The following RASA2 variants were observed in gnomAD, a reference collection of about 807,000 sequenced individuals.
The protein encoded by RASA2 is ras GTPase-activating protein 2.
RASA2 carries 155 observed loss-of-function variants against 118.2 expected under a neutral mutation model. That is an observed-to-expected ratio of 1.31 (90% CI 1.15 to 1.50). The LOEUF (loss-of-function observed/expected upper bound fraction) is 1.50, where lower values mean the gene tolerates loss of function less well. RASA2 is among the 40% of genes most tolerant of loss of function. The pLI is 0.00. For synonymous variants in RASA2, 353 were observed against 349.1 expected (o/e 1.01, Z -0.12); for missense variants, 1,016 against 1,009.6 (o/e 1.01, Z -0.09).
rs2151131530 is a variant in RASA2, at chr3:141,573,209, A to G, written c.1347A>G (p.Val449=). 1.3e-6 allele frequency: 2 copies of G among 1,543,332 alleles called. No homozygotes were observed. Among genetic ancestry groups the G allele is most frequent in the South Asian group, 2.5e-5 (2 of 80,352 alleles). Residue 449 remains valine, a synonymous_variant, in exon 13 of 24, where the codon GTA becomes GTG. Transcript: ENST00000286364. ...DPIKLKEGDN[V]ENNKENLRYY... is the part of the protein sequence containing the mutation. ...TTAAATTGAAAGAGGGAGATAATGTAGAAAATAATAAGGTAAGTCCTTGTT... is the reference window on the plus strand; with the variant it reads ...TTAAATTGAAAGAGGGAGATAATGTGGAAAATAATAAGGTAAGTCCTTGTT...
intron 1 of RASA2, among the ~76,000 whole-genome samples, chr3:141,491,510 C>T (rs1302540129): frequency 6.6e-6 from 1 of 152,148 alleles, no homozygotes; most frequent in Middle Eastern, 3.2e-3. Context: ...ATGCCTAGAA[C>T]AGAATAGGCC....
intron 4 of RASA2, among the ~76,000 whole-genome samples, chr3:141,538,569 A>G (rs1393276744): frequency 3.9e-5 from 6 of 152,106 alleles, no homozygotes; most frequent in African/African-American, 1.4e-4. Context: ...GATAGTATGT[A>G]TTTCCTTGTT....
intron 1 of RASA2, among the ~76,000 whole-genome samples, chr3:141,504,741 A>G (rs887041177): frequency 2.0e-5 from 3 of 152,150 alleles, no homozygotes; most frequent in East Asian, 3.9e-4. Context: ...ACCATCTGAC[A>G]CACAAAAAAA....
intron 3 of RASA2, among the ~76,000 whole-genome samples, chr3:141,522,821 A>G (rs2082131001): frequency 6.6e-6 from 1 of 152,086 alleles, no homozygotes; most frequent in Non-Finnish European, 1.5e-5. Context: ...GGTTTAATTA[A>G]CTGGACTGAG....
intron 9 of RASA2, among the ~76,000 whole-genome samples, chr3:141,563,403 A>C (rs1003044319): frequency 4.6e-5 from 7 of 152,174 alleles, no homozygotes; most frequent in Non-Finnish European, 5.9e-5. Flanking sequence ...TATTTAATTC[A>C]CAAGGATCCT....
intron 1 of RASA2, among the ~76,000 whole-genome samples, chr3:141,488,177 C>A (rs1329975386): frequency 6.6e-6 from 1 of 150,920 alleles, no homozygotes; most frequent in East Asian, 1.9e-4. Context: ...TTTTTTTTTT[C>A]ACAGTGGTTT....
At position 141,512,179 on chromosome 3, in the gene RASA2, A is replaced by G. The variant is rs757282345; in HGVS notation, c.150A>G (p.Leu50=). Residue 50 remains leucine, a synonymous_variant, in exon 2 of 24, where the codon TTA becomes TTG. Coordinates refer to ENST00000286364, the MANE Select transcript of RASA2 (RefSeq NM_006506.5). Reference sequence around the variant, plus strand: ...TGCCAACAGGTGAAGCAAAAAATTTATTGCCATATCTTGGACCCCACAAAA... The same window carrying G: ...TGCCAACAGGTGAAGCAAAAAATTTGTTGCCATATCTTGGACCCCACAAAA... ...LRGKICEAKN[L]LPYLGPHKMR... 3 of 1,607,830 alleles carry G rather than the reference A, an allele frequency of 1.9e-6. No homozygotes were observed. Among genetic ancestry groups the G allele is most frequent in the Non-Finnish European group, 2.5e-6 (3 of 1,177,968 alleles).
At chr3:141,490,335 CAAAAAA>C (rs3075070) in intron 1 of RASA2, among the ~76,000 whole-genome samples, 1,815 of 93,710 alleles carry the variant, frequency 0.019, 52 homozygotes, top group African/African-American at 0.061. Flanking sequence ...CTCCTCCCCT[CAAAAAA>C]AAAAAAAAAA....
intron 17 of RASA2, 40 bp downstream of exon 17, chr3:141,581,217 A>G: frequency 1.5e-6 from 2 of 1,290,366 alleles, no homozygotes; most frequent in Non-Finnish European, 2.0e-6. Context: ...TATTTATTTC[A>G]TATAACATGG....
At chr3:141,546,115 C>T (rs2082481722) in intron 5 of RASA2, among the ~76,000 whole-genome samples, 1 of 152,184 alleles carries the variant, frequency 6.6e-6, no homozygotes, top group Admixed American at 6.5e-5. Flanking sequence ...TTGATGGACA[C>T]TTAGATTGCT....
intron 19 of RASA2, among the ~76,000 whole-genome samples, chr3:141,590,404 C>T (rs147485430): frequency 7.6e-4 from 116 of 152,308 alleles, no homozygotes; most frequent in African/African-American, 2.6e-3. Flanking sequence ...CATAATATAA[C>T]ACCTTATTCC....
chr3:141,549,233 C>T (rs1479415801), intron 5 of RASA2, among the ~76,000 whole-genome samples: 1 of 152,160 alleles, frequency 6.6e-6, no homozygotes, highest in African/African-American at 2.4e-5. Flanking sequence ...ATTTCCTCTA[C>T]TTAATGAGTT....
At chr3:141,543,290 A>G (rs1452689300) in intron 5 of RASA2, among the ~76,000 whole-genome samples, 2 of 152,160 alleles carry the variant, frequency 1.3e-5, no homozygotes, top group South Asian at 4.1e-4. Context: ...TTTACCAATT[A>G]GAATAAAATG....
chr3:141,516,834 T>TG (rs1053890622), intron 3 of RASA2, among the ~76,000 whole-genome samples: 8 of 151,802 alleles, frequency 5.3e-5, no homozygotes, highest in African/African-American at 1.9e-4. Flanking sequence ...ACTGCAGTGG[T>TG]GCGATCTTGG....
intron 1 of RASA2, among the ~76,000 whole-genome samples, chr3:141,490,651 T>A (rs1169630472): frequency 6.6e-6 from 1 of 152,176 alleles, no homozygotes; most frequent in Non-Finnish European, 1.5e-5. Flanking sequence ...CTCACTTAGT[T>A]TCTCTGGTGT....
chr3:141,564,945 A>C (rs2082794442), intron 9 of RASA2, among the ~76,000 whole-genome samples: 1 of 152,114 alleles, frequency 6.6e-6, no homozygotes, highest in South Asian at 2.1e-4. Context: ...TAAGTATATC[A>C]GGCTCTGCAC....
chr3:141,556,506 G>C (rs1035633805), intron 7 of RASA2, among the ~76,000 whole-genome samples: 2 of 151,872 alleles, frequency 1.3e-5, no homozygotes, highest in Non-Finnish European at 2.9e-5. Flanking sequence ...TTCTGTGGAC[G>C]CCTGCTTATC....
intron 5 of RASA2, among the ~76,000 whole-genome samples, chr3:141,544,898 C>G (rs940578448): frequency 3.3e-5 from 5 of 152,118 alleles, no homozygotes; most frequent in Admixed American, 3.3e-4. Context: ...GAAAATGAAA[C>G]CAAATACTGC....
intron 15 of RASA2, among the ~76,000 whole-genome samples, chr3:141,577,805 A>G (rs1370068521): frequency 1.3e-5 from 2 of 152,188 alleles, no homozygotes; most frequent in African/African-American, 4.8e-5. Context: ...TGTAAACATG[A>G]GATTTAAAAA....
Sources: gnomAD v4.1 joint callset for allele counts (sites outside exome capture counted in the v4.1 genomes callset) on GRCh38, gnomAD v4.1.1 for gene constraint, MANE v1.5 for transcripts, NCBI Gene and HGNC (gene_info 2026-07-23, HGNC 2026-07-21) for gene names.